Variants in ETV4 observed in about 807,000 individuals in gnomAD.
ETV4 encodes ETS translocation variant 4.
A neutral mutation model predicts 65.9 loss-of-function variants in ETV4; 42 were observed. The observed-to-expected ratio is 0.64, with a 90% CI of 0.50 to 0.82. The LOEUF (loss-of-function observed/expected upper bound fraction) is 0.82. Ranked by LOEUF, ETV4 falls within the 40% of genes least tolerant of loss-of-function variation. The probability of loss-of-function intolerance (pLI) is 0.00; values close to 1 mark genes in which losing one functional copy is unlikely to be tolerated. For missense variants in ETV4, 583 were observed against 630.3 expected (o/e 0.92, Z 0.80); for synonymous variants, 238 against 260.0 (o/e 0.92, Z 0.81).
rs764004129 is a variant in ETV4, at chr17:43,529,910, ACAT to A, written c.926_928del (p.Asp309del). On this transcript the variant is annotated inframe_deletion, in exon 10 of 13. Transcript: ENST00000319349. ...TTCAAATTTCTCAGGGACAACGCAG[ACAT>A]CATCTGGGAATGGTCGCAGAGGTTT... is the stretch of plus-strand genomic sequence containing the variant. 14 of 1,614,164 alleles carry A rather than the reference ACAT, an allele frequency of 8.7e-6. No homozygotes were observed. In the South Asian group the frequency reaches 1.3e-4, roughly 15 times the overall value.
chr17:43,538,007 G>C (rs1971334505), intron 4 of ETV4, among the ~76,000 whole-genome samples: 1 of 152,046 alleles, frequency 6.6e-6, no homozygotes, highest in Non-Finnish European at 1.5e-5. Context: ...GCGGGTGCCT[G>C]TAGTCCCAGC....
rs760166610 is a variant in ETV4 at position 43,533,225 on chromosome 17, G to A, written c.507C>T (p.Ser169=). Residue 169 remains serine (S), a synonymous_variant, in exon 7 of 13, where the codon TCC becomes TCT. Coordinates refer to ENST00000319349, the MANE Select transcript of ETV4 (RefSeq NM_001079675.5). The part of the protein sequence containing the change: ...QRNFLRSSGT[S]QPHPGHGYLG... ...GGTACCCATGGCCAGGGTGGGGCTG[G>A]GAGGTGCCAGAGGATCTCAGGAAAT... 6.2e-7 allele frequency: 1 copy of A among 1,613,974 alleles called. No homozygotes were observed. The highest frequency in any genetic ancestry group is 8.5e-7 in the Non-Finnish European group (1 of 1,179,954).
chr17:43,530,343 A>G (rs1970848359), intron 8 of ETV4, 162 bp from the exon 9 acceptor site: 2 of 1,477,282 alleles, frequency 1.4e-6, no homozygotes, highest in Admixed American at 4.6e-5. Context: ...TCCCAGGGAA[A>G]GTTCACCCAG....
chr17:43,545,845 C>A, intron 1 of ETV4, 177 bp from the exon 2 acceptor site: 1 of 599,168 alleles, frequency 1.7e-6, no homozygotes, highest in Non-Finnish European at 3.0e-6. Flanking sequence ...CCGCCAAAGG[C>A]CAAAGGAGGT....
chr17:43,529,038 AC>A, intron 12 of ETV4, 96 bp downstream of exon 12: 1 of 1,141,044 alleles, frequency 8.8e-7, no homozygotes, highest in Non-Finnish European at 1.3e-6. Context: ...ATCTGATCCT[AC>A]AAAGTTGCTG....
Position 43,532,824 on chromosome 17 carries a change from G to A in ETV4, c.661C>T (p.Pro221Ser). 2 of 1,614,070 alleles carry A rather than the reference G, an allele frequency of 1.2e-6. No individual in the cohort carries two copies. The highest frequency in any genetic ancestry group is 1.7e-6 in the Non-Finnish European group (2 of 1,179,982). The change falls in exon 8 of 13, where the codon CCC becomes TCC. Residue 221 changes from proline (P) to serine (S), a missense_variant. Transcript: ENST00000319349. ...HQLSEPCPPY[P>S]QQSFKQEYHD... Reference sequence around the variant, plus strand: ...TATTCTTGCTTAAAGCTCTGCTGGGGATAGGGTGGGCAGGGCTCCGACAGC... The same window carrying A: ...TATTCTTGCTTAAAGCTCTGCTGGGAATAGGGTGGGCAGGGCTCCGACAGC...
chr17:43,531,532 C>T (rs183135171), intron 8 of ETV4, among the ~76,000 whole-genome samples: 13 of 152,098 alleles, frequency 8.5e-5, no homozygotes, highest in Non-Finnish European at 2.9e-5. Flanking sequence ...GGTGAAACCC[C>T]GTCTCTACTA....
intron 8 of ETV4, among the ~76,000 whole-genome samples, chr17:43,530,859 G>A (rs1237132628): frequency 6.6e-6 from 1 of 152,008 alleles, no homozygotes; most frequent in East Asian, 1.9e-4. Context: ...TGAATGAGAA[G>A]ATGGTGAAAC....
intron 4 of ETV4, 43 bp downstream of exon 4, chr17:43,544,932 C>T (rs1438527102): frequency 3.8e-6 from 6 of 1,593,628 alleles, no homozygotes; most frequent in East Asian, 2.2e-5. Context: ...GAGTGTCCCC[C>T]TGTCCAGCCT....
chr17:43,545,501 TGA>T, intron 2 of ETV4, 55 bp downstream of exon 2: 1 of 1,276,916 alleles, frequency 7.8e-7, no homozygotes, highest in Non-Finnish European at 1.0e-6. Flanking sequence ...GGGGCTGTGG[TGA>T]GAGTAGGGGC....
chr17:43,538,066 G>A (rs1971336987), intron 4 of ETV4, among the ~76,000 whole-genome samples: 1 of 151,324 alleles, frequency 6.6e-6, no homozygotes, highest in Non-Finnish European at 1.5e-5. Context: ...GCGTGAACCT[G>A]GGAGGCGGAG....
chr17:43,540,286 CTACTAAAAA>C (rs1971456503), intron 4 of ETV4, among the ~76,000 whole-genome samples: 1 of 152,108 alleles, frequency 6.6e-6, no homozygotes, highest in African/African-American at 2.4e-5. Context: ...AACCCCATCT[CTACTAAAAA>C]TACAAAAATT....
chr17:43,530,048 A>G (rs1402849660), intron 9 of ETV4, 59 bp downstream of exon 9: 12 of 1,608,616 alleles, frequency 7.5e-6, no homozygotes, highest in Non-Finnish European at 1.0e-5. Flanking sequence ...ACCCTCCCCC[A>G]TGGCAGCGCT....
chr17:43,530,084 C>G (rs1970825506), intron 9 of ETV4, 23 bp downstream of exon 9: 1 of 1,607,932 alleles, frequency 6.2e-7, no homozygotes, highest in African/African-American at 1.3e-5. Flanking sequence ...GAGGGCTTGG[C>G]AGGGGAAGGG....
At position 43,530,122 on chromosome 17, in the gene ETV4, C is replaced by G; in HGVS notation, c.871G>C (p.Gly291Arg). Reference protein sequence around the residue: ...HTEGFSGPSPGDGAMGYGYEK... With the variant: ...HTEGFSGPSPRDGAMGYGYEK... ...GCTGCCTTACCCATGGCCCCGTCAC[C>G]TGGAGAGGGCCCAGAGAAGCCCTCT... Residue 291 changes from glycine (G) to arginine (R), a missense_variant, in exon 9 of 13, where the codon GGT (glycine) becomes CGT (arginine). Physicochemically the swap from Gly to Arg is moderately radical, Grantham distance 125 (BLOSUM62 -2). Transcript: ENST00000319349. 3.2e-6 allele frequency: 5 copies of G among 1,579,812 alleles called. No individual in the cohort carries two copies. The highest frequency in any genetic ancestry group is 1.7e-6 in the Non-Finnish European group (2 of 1,162,554).
At chr17:43,528,969 T>C (rs1325133199) in intron 12 of ETV4, among the ~76,000 whole-genome samples, 166 bp downstream of exon 12, 1 of 152,160 alleles carries the variant, frequency 6.6e-6, no homozygotes, top group Non-Finnish European at 1.5e-5. Flanking sequence ...GTTGCACTTT[T>C]TTGGGGGAGG....
intron 8 of ETV4, 33 bp downstream of exon 8, chr17:43,532,641 C>G: frequency 1.3e-6 from 2 of 1,583,946 alleles, no homozygotes; most frequent in East Asian, 2.3e-5. Flanking sequence ...AACACTTGAT[C>G]ACATGCCACC....
intron 4 of ETV4, among the ~76,000 whole-genome samples, chr17:43,543,518 C>T (rs1335505519): frequency 6.6e-6 from 1 of 152,154 alleles, no homozygotes; most frequent in East Asian, 1.9e-4. Context: ...TGGGGACTCT[C>T]AGCTGACAGG....
chr17:43,533,343 T>C lies in ETV4; in HGVS notation c.389A>G (p.Tyr130Cys), dbSNP rs1971061709. The change falls in exon 7 of 13, where the codon TAT (tyrosine) becomes TGT (cysteine). Residue 130 changes from tyrosine (Y) to cysteine (C), a missense_variant. Transcript: ENST00000319349. ...HGEQCLYSSA[Y>C]DPPRQIAIKS... is the part of the protein sequence containing the mutation. ...GATGGCGATTTGTCTGGGGGGGTCA[T>C]AGGCACTGGAGTTGAGAAGGAGACA... 1 of 1,612,472 alleles carries C rather than the reference T, an allele frequency of 6.2e-7. No individual in the cohort carries two copies. Among genetic ancestry groups the C allele is most frequent in the East Asian group, 2.2e-5 (1 of 44,832 alleles).
Sources: allele counts gnomAD v4.1 joint callset (sites outside exome capture counted in the v4.1 genomes callset), GRCh38; gene constraint gnomAD v4.1.1; transcripts MANE v1.5; gene names NCBI Gene and HGNC (gene_info 2026-07-23, HGNC 2026-07-21).